RSRP1: variants seen among roughly 807,000 people sequenced by gnomAD.
RSRP1 encodes arginine and serine rich protein 1, also known as arginine/serine-rich protein 1.
In RSRP1, 37 loss-of-function variants were observed where a neutral mutation model predicts 33.0. The ratio of observed to expected loss-of-function variants is 1.12; its 90% CI spans 0.86 to 1.48. The LOEUF (loss-of-function observed/expected upper bound fraction) is 1.48. Ranked by LOEUF, RSRP1 falls within the 40% of genes most tolerant of loss-of-function variation. The pLI is 0.00. For synonymous variants in RSRP1, 167 were observed against 158.7 expected, an observed-to-expected ratio of 1.05 and a Z score of -0.40; for missense variants, 402 against 385.3, an observed-to-expected ratio of 1.04 and a Z score of -0.36.
At chr1:25,288,638 C>G (rs1451462350) in intron 1 of RSRP1, among the ~76,000 whole-genome samples, 1 of 127,514 alleles carries the variant, frequency 7.8e-6, no homozygotes, top group Non-Finnish European at 1.8e-5. Context: ...AATGGAGGCA[C>G]CAAGGCACAG....
Position 25,314,945 on chromosome 1 carries a change from C to T in RSRP1, c.-67+23033G>A, listed in dbSNP as rs527297757. ...TTGCAGCCAGCGCGGTGGCTCACAC[C>T]TGTAATCCCAGCACTTTGGGAGGCT... On this transcript the variant is annotated intron_variant, in intron 1 of 1. Coordinates refer to the RSRP1 transcript ENST00000561867. Among the ~76,000 whole-genome samples, 29 of 130,948 alleles carry T rather than the reference C, an allele frequency of 2.2e-4. 3 individuals carry two copies. The South Asian group carries it at 5.6e-3, about 25-fold the overall frequency. 85.9% of individuals were successfully genotyped at this position (130,948 alleles called of 152,430 possible). A position where few individuals can be genotyped will look rare whatever the true frequency, so the allele number is the denominator to read the frequency against.
chr1:25,333,689 GA>G (rs1645045097), intron 1 of RSRP1, among the ~76,000 whole-genome samples: 1 of 130,664 alleles, frequency 7.7e-6, no homozygotes, highest in African/African-American at 2.6e-5. Flanking sequence ...ACAAAAGAAA[GA>G]GAGGTTTAAT....
intron 1 of RSRP1, among the ~76,000 whole-genome samples, chr1:25,295,602 T>G (rs1642865026): frequency 9.6e-6 from 1 of 103,760 alleles, no homozygotes; most frequent in African/African-American, 3.3e-5. Context: ...GTGGCAGAAG[T>G]GTAACGCAGG....
rs1429711660 is a variant in RSRP1 at position 25,331,273 on chromosome 1, C to G, written c.-67+6705G>C. Among the ~76,000 whole-genome samples, 2 of 131,306 alleles carry G rather than the reference C, an allele frequency of 1.5e-5. 1 individual carries two copies. Among genetic ancestry groups the G allele is most frequent in the Non-Finnish European group, 3.6e-5 (2 of 55,496 alleles). The allele number at this position is 131,306 out of a possible 152,430, so 86.1% of individuals were successfully genotyped here. On this transcript the variant is annotated intron_variant, in intron 1 of 1. Coordinates refer to the RSRP1 transcript ENST00000561867. ...GAGCCACCGCACCCGGCCTCTTCCT[C>G]TTCTTATAAGGACACCAGTCCTATT...
chr1:25,321,145 T>G (rs1169869966), intron 1 of RSRP1, among the ~76,000 whole-genome samples: 1 of 130,518 alleles, frequency 7.7e-6, no homozygotes, highest in Non-Finnish European at 1.8e-5. Flanking sequence ...ACAAGTGGAA[T>G]CTTAAGCTGA....
intron 3 of RSRP1, chr1:25,244,071 T>TA (rs397816732): frequency 3.3e-6 from 4 of 1,206,850 alleles, no homozygotes; most frequent in Non-Finnish European, 3.1e-6. Context: ...TTTTTTTTTT[T>TA]AAGCCCCCGA....
At position 25,332,072 on chromosome 1, in the gene RSRP1, G is replaced by C. The variant is rs576176321; in HGVS notation, c.-67+5906C>G. 4.5e-3 allele frequency among the ~76,000 whole-genome samples: 491 copies of C among 109,672 alleles called. 46 individuals carry two copies. The highest frequency in any genetic ancestry group is 0.015 in the African/African-American group (474 of 31,928). The allele number at this position is 109,672 out of a possible 152,430, so 71.9% of individuals were successfully genotyped here. A position where few individuals can be genotyped will look rare whatever the true frequency, so the allele number is the denominator to read the frequency against. ...TTTTTTTTTTTTGAGATGGAGTCTT[G>C]CTCTGTTGCCCAACCTGGAGTGCAG... On this transcript the variant is annotated intron_variant, in intron 1 of 1. Transcript: ENST00000561867.
At chr1:25,246,270 CTAAAGAGA>C (rs1487246952) in intron 2 of RSRP1, among the ~76,000 whole-genome samples, 166 bp downstream of exon 2, 1 of 152,190 alleles carries the variant, frequency 6.6e-6, no homozygotes, top group Non-Finnish European at 1.5e-5. Context: ...ACCTTTAACC[CTAAAGAGA>C]ATGCTGTCCA....
rs603917 is a variant in RSRP1 at position 25,333,170 on chromosome 1, G to A, written c.-67+4808C>T. Among the ~76,000 whole-genome samples, 5 of 132,184 alleles carry A rather than the reference G, an allele frequency of 3.8e-5. 2 individuals are homozygous for A. The highest frequency in any genetic ancestry group is 8.9e-5 in the Non-Finnish European group (5 of 55,884). 86.7% of individuals were successfully genotyped at this position (132,184 alleles called of 152,430 possible). ...CGTTTTTGTTCCAAGCCAACTGCAC[G>A]TTGAGGGCGGATGGTTCCCTCTTAG... On this transcript the variant is annotated intron_variant, in intron 1 of 1. Coordinates refer to the RSRP1 transcript ENST00000561867.
chr1:25,306,402 C>G (rs1643839221), intron 1 of RSRP1, among the ~76,000 whole-genome samples: 2 of 131,888 alleles, frequency 1.5e-5, no homozygotes, highest in South Asian at 4.6e-4. Context: ...CCCACATCCA[C>G]TAAAGCCAGC....
chr1:25,290,862 G>T (rs768386497), intron 1 of RSRP1: 1 of 1,328,552 alleles, frequency 7.5e-7, no homozygotes, highest in Non-Finnish European at 1.1e-6. Flanking sequence ...GGGTTTCCAG[G>T]GTTTTGAAAA....
intron 1 of RSRP1, among the ~76,000 whole-genome samples, chr1:25,270,185 G>A (rs372930735): frequency 1.5e-5 from 2 of 131,840 alleles, no homozygotes; most frequent in East Asian, 1.9e-4. Flanking sequence ...GAGAGGAATG[G>A]AGACTTCTGA....
chr1:25,243,419 C>CA, intron 4 of RSRP1, 131 bp downstream of exon 4: 1 of 1,190,572 alleles, frequency 8.4e-7, no homozygotes, highest in Non-Finnish European at 1.1e-6. Context: ...GGCTCAAAAA[C>CA]AAATGATTTT....
intron 1 of RSRP1, among the ~76,000 whole-genome samples, chr1:25,260,633 T>A (rs1303513404): frequency 1.3e-5 from 2 of 152,198 alleles, no homozygotes; most frequent in African/African-American, 2.4e-5. Flanking sequence ...CCACTCAGAC[T>A]TAAACAACAG....
rs28614473 is a variant in RSRP1 at position 25,263,124 on chromosome 1, G to A, written c.-66-16095C>T. ...TGAAGTGAAGAAGTGAGCCATGTGG[G>A]TATGGGGAATACAACTTCCAGGTAG... On this transcript the variant is annotated intron_variant, in intron 1 of 1. Coordinates refer to the RSRP1 transcript ENST00000561867. Among the ~76,000 whole-genome samples the A allele has an allele frequency of 5.8e-3, 876 of 152,216 alleles. 5 individuals carry two copies. The highest frequency in any genetic ancestry group is 0.02 in the African/African-American group (837 of 41,518).
At chr1:25,300,559 C>A (rs1643307751) in intron 1 of RSRP1, among the ~76,000 whole-genome samples, 1 of 129,044 alleles carries the variant, frequency 7.7e-6, no homozygotes, top group Non-Finnish European at 1.8e-5. Flanking sequence ...CCTGTAATCC[C>A]AGCACTTTGG....
Position 25,321,923 on chromosome 1 carries a change from T to G in RSRP1, c.-67+16055A>C, listed in dbSNP as rs1484321163. On this transcript the variant is annotated intron_variant, in intron 1 of 1. Transcript: ENST00000561867. ...TAAATCTTAAAATATGGAAAGCACC[T>G]CATGAGGCTAAATATTTTGATGACC... 1.5e-6 allele frequency: 2 copies of G among 1,334,582 alleles called. 1 individual carries two copies. Among genetic ancestry groups the G allele is most frequent in the Non-Finnish European group, 2.1e-6 (2 of 939,730 alleles). 82.7% of individuals were successfully genotyped at this position (1,334,582 alleles called of 1,614,324 possible). A position where few individuals can be genotyped will look rare whatever the true frequency, so the allele number is the denominator to read the frequency against.
chr1:25,282,120 T>G lies in RSRP1; in HGVS notation c.-66-35091A>C, dbSNP rs558269183. On this transcript the variant is annotated intron_variant, in intron 1 of 1. Coordinates refer to the RSRP1 transcript ENST00000561867. ...GTACTAAACATTATTTCCTTTGGAT[T>G]TCCCAGAAACCTCTCAGGTGGGTCT... 9.8e-5 allele frequency among the ~76,000 whole-genome samples: 13 copies of G among 132,660 alleles called. 2 individuals carry two copies. The South Asian group carries it at 1.2e-3, about 12-fold the overall frequency. 87.0% of individuals were successfully genotyped at this position (132,660 alleles called of 152,430 possible).
rs1255470173 is a variant in RSRP1 at position 25,287,334 on chromosome 1, CTGTT to C, written c.-66-40309_-66-40306del. Reference sequence around the variant, plus strand: ...CCCCTCATCTGATGTCCACAGGGACCTGTTTGTTCTTGACTCAATCTAGAAAGAC... The same window carrying C: ...CCCCTCATCTGATGTCCACAGGGACCTGTTCTTGACTCAATCTAGAAAGAC... On this transcript the variant is annotated intron_variant, in intron 1 of 1. Coordinates refer to the RSRP1 transcript ENST00000561867. Among the ~76,000 whole-genome samples, 24 of 134,886 alleles carry C rather than the reference CTGTT, an allele frequency of 1.8e-4. No homozygotes were observed. The East Asian group carries it at 4.7e-3, about 26-fold the overall frequency. 88.5% of individuals were successfully genotyped at this position (134,886 alleles called of 152,430 possible).
Sources: gnomAD v4.1 joint callset for allele counts (sites outside exome capture counted in the v4.1 genomes callset) on GRCh38, gnomAD v4.1.1 for gene constraint, MANE v1.5 for transcripts, NCBI Gene and HGNC (gene_info 2026-07-23, HGNC 2026-07-21) for gene names.